Variants in ADNP2 observed in about 807,000 individuals in gnomAD.
ADNP2 encodes activity-dependent neuroprotector homeobox protein 2.
Under a neutral mutation model 16.4 loss-of-function variants are expected in ADNP2, and 8 were observed. That is an observed-to-expected ratio of 0.49 (90% CI 0.29 to 0.88). The LOEUF is 0.88. Among genes scored for constraint, ADNP2 ranks in the 40% least tolerant of loss-of-function variants. The pLI, the probability that ADNP2 is intolerant of heterozygous loss-of-function variation, is 0.09. For missense variants in ADNP2, 1,397 were observed against 1,395.1 expected (o/e 1.00, Z -0.02); for synonymous variants, 637 against 545.8 (o/e 1.17, Z -2.33).
intron 1 of ADNP2, among the ~76,000 whole-genome samples, chr18:80,112,823 G>A (rs2052366309): frequency 1.3e-5 from 2 of 152,170 alleles, no homozygotes; most frequent in South Asian, 4.1e-4. Context: ...GATCAGCTCT[G>A]GCTGTGTGAG....
In ADNP2 at chr18:80,136,404, A is replaced by G. The variant is rs749973024; in HGVS notation, c.991A>G (p.Met331Val). 8.7e-6 allele frequency: 14 copies of G among 1,613,842 alleles called. No homozygotes were observed. Among genetic ancestry groups the G allele is most frequent in the Admixed American group, 3.3e-5 (2 of 60,004 alleles). ...CCCCCCTGCTGCTGGCCAATCCCAC[A>G]TGACTCTGGTCTCCAGCCCTCTGCC... ...HSPPAAGQSH[M>V]TLVSSPLPVG... is the part of the protein sequence containing the mutation. Residue 331 changes from methionine (M) to valine (V), a missense_variant, in exon 4 of 4, where the codon ATG (methionine) becomes GTG (valine). Physicochemically the swap from Met to Val is conservative, Grantham distance 21. Around this residue, in one of 3 missense-constraint regions of ADNP2, gnomAD observed 777 missense variants for 719.4 expected, o/e 1.08. Coordinates refer to ENST00000262198, the MANE Select transcript of ADNP2 (RefSeq NM_014913.4).
Position 80,138,910 on chromosome 18 carries a change from A to C in ADNP2, c.*101A>C, listed in dbSNP as rs980225371. ...CTCACTGTGTTGGTGAATCAACCTC[A>C]GTGGTCACTGTGCTGCTCTGCAGAG... On this transcript the variant is annotated 3_prime_UTR_variant, in exon 4 of 4. Coordinates refer to ENST00000262198, the MANE Select transcript of ADNP2 (RefSeq NM_014913.4). 50 of 1,130,400 alleles carry C rather than the reference A, an allele frequency of 4.4e-5. 1 individual carries two copies. The highest frequency in any genetic ancestry group is 3.2e-5 in the Admixed American group (1 of 31,162). The allele number at this position is 1,130,400 out of a possible 1,614,324, so 70.0% of individuals were successfully genotyped here.
chr18:80,137,112 C>T lies in ADNP2; in HGVS notation c.1699C>T (p.Leu567Phe). The change falls in exon 4 of 4, where the codon CTC (leucine) becomes TTC (phenylalanine). Residue 567 changes from leucine (L) to phenylalanine (F), a missense_variant. Leu to Phe is a conservative substitution (Grantham distance 22). Around this residue, in one of 3 missense-constraint regions of ADNP2, gnomAD observed 777 missense variants for 719.4 expected, o/e 1.08. Transcript: ENST00000262198. The surrounding 1 kb of genome is among the most constrained non-coding windows in gnomAD (Gnocchi z 4.2). ...GQPVRPGVLQLNQTVGTNILP... is the reference protein window; with the variant it reads ...GQPVRPGVLQFNQTVGTNILP... ...GCCAGTGAGGCCTGGGGTCTTGCAA[C>T]TCAACCAGACTGTGGGCACCAACAT... The T allele has an allele frequency of 7.4e-6, 12 of 1,614,216 alleles. No homozygotes were observed. The highest frequency in any genetic ancestry group is 1.3e-5 in the African/African-American group (1 of 75,060).
intron 2 of ADNP2, 86 bp downstream of exon 2, chr18:80,117,736 G>T: frequency 1.0e-6 from 1 of 993,326 alleles, no homozygotes. Context: ...CCTCAAAATG[G>T]AAATTGCTGT....
Position 80,136,276 on chromosome 18 carries a change from A to G in ADNP2, c.863A>G (p.Gln288Arg). 1.2e-6 allele frequency: 2 copies of G among 1,613,730 alleles called. No homozygotes were observed. Among genetic ancestry groups the G allele is most frequent in the Non-Finnish European group, 1.7e-6 (2 of 1,179,630 alleles). The change falls in exon 4 of 4, where the codon CAG becomes CGG. Residue 288 changes from glutamine to arginine, a missense_variant. Gln to Arg is a conservative substitution (Grantham distance 43). Around this residue, in one of 3 missense-constraint regions of ADNP2, gnomAD observed 777 missense variants for 719.4 expected, o/e 1.08. Transcript: ENST00000262198. ...GGCAGTGCTCCAAGCGCTCCAGCGC[A>G]GCCTCCTTGCTTCCATCTTGCTTTG... Reference protein sequence around the residue: ...ANGSAPSAPAQPPCFHLALPQ... With the variant: ...ANGSAPSAPARPPCFHLALPQ...
chr18:80,125,678 G>C (rs981850935), intron 2 of ADNP2, among the ~76,000 whole-genome samples: 4 of 151,930 alleles, frequency 2.6e-5, no homozygotes, highest in Non-Finnish European at 5.9e-5. Flanking sequence ...AGGTGTGGTG[G>C]TGTGCGCTGG....
In ADNP2 at chr18:80,124,051, C is replaced by T. The variant is rs775222960; in HGVS notation, c.108+6401C>T. Among the ~76,000 whole-genome samples, 3 of 152,104 alleles carry T rather than the reference C, an allele frequency of 2.0e-5. No homozygotes were observed. The East Asian group carries it at 5.8e-4, about 29-fold the overall frequency. Reference sequence around the variant, plus strand: ...AGCCTTTTAAGTATTTTTTAGGATTCACCAGTGAAGCCACCTGTACCTGTA... The same window carrying T: ...AGCCTTTTAAGTATTTTTTAGGATTTACCAGTGAAGCCACCTGTACCTGTA... On this transcript the variant is annotated intron_variant, in intron 2 of 3. Transcript: ENST00000262198.
rs903709209 is a variant in ADNP2 at position 80,139,329 on chromosome 18, G to A, written c.*520G>A. On this transcript the variant is annotated 3_prime_UTR_variant, in exon 4 of 4. Transcript: ENST00000262198. ...AGGATGCACTGCATTAACTTACGCT[G>A]ACTTCTTTGTAAGATCTTTGCTTAT... is the stretch of plus-strand genomic sequence containing the variant. The A allele has an allele frequency of 1.3e-5, 2 of 151,912 alleles. No homozygotes were observed. The highest frequency in any genetic ancestry group is 4.8e-5 in the African/African-American group (2 of 41,360). The allele number at this position is 151,912 out of a possible 1,614,324, so 9.4% of individuals were successfully genotyped here. A position where few individuals can be genotyped will look rare whatever the true frequency, so the allele number is the denominator to read the frequency against.
In ADNP2 at chr18:80,138,111, A is replaced by G. The variant is rs149811942; in HGVS notation, c.2698A>G (p.Ile900Val). The G allele has an allele frequency of 5.8e-5, 93 of 1,613,906 alleles. No homozygotes were observed. Among genetic ancestry groups the G allele is most frequent in the Admixed American group, 1.3e-4 (8 of 60,008 alleles). The change falls in exon 4 of 4, where the codon ATC becomes GTC. Residue 900 changes from isoleucine (I) to valine (V), a missense_variant. By Grantham distance (29) the Ile-to-Val change is conservative. Around this residue, in one of 3 missense-constraint regions of ADNP2, gnomAD observed 611 missense variants for 648.7 expected, o/e 0.94. Coordinates refer to ENST00000262198, the MANE Select transcript of ADNP2 (RefSeq NM_014913.4). ...GCTGCATTTGAAGGAGAGGCACCAC[A>G]TCATGCCCACAGTCCACACGGTCCT... ...YELHLKERHH[I>V]MPTVHTVLKS...
intron 2 of ADNP2, among the ~76,000 whole-genome samples, chr18:80,128,511 G>A (rs1009618545): frequency 1.3e-4 from 20 of 152,234 alleles, no homozygotes; most frequent in African/African-American, 3.9e-4. Context: ...TTAGCCCGAC[G>A]TGGTGGCATG....
At position 80,136,899 on chromosome 18, in the gene ADNP2, C is replaced by T. The variant is rs372177595; in HGVS notation, c.1486C>T (p.Arg496Trp). The change falls in exon 4 of 4, where the codon CGG becomes TGG. Residue 496 changes from arginine (R) to tryptophan (W), a missense_variant. By Grantham distance (101) the Arg-to-Trp change is moderately radical. Coordinates refer to ENST00000262198, the MANE Select transcript of ADNP2 (RefSeq NM_014913.4). ...CCCTGTGGGCCAGACAGCTCCGTCA[C>T]GGGTTCTTCCCCCAGGCCAGACAGC... is the stretch of plus-strand genomic sequence containing the variant. ...VLPVGQTAPS[R>W]VLPPGQTAPL... The T allele has an allele frequency of 1.4e-5, 22 of 1,613,810 alleles. No individual in the cohort carries two copies. Among genetic ancestry groups the T allele is most frequent in the East Asian group, 2.2e-5 (1 of 44,860 alleles).
intron 2 of ADNP2, among the ~76,000 whole-genome samples, chr18:80,126,707 G>T (rs553339309): frequency 2.6e-4 from 40 of 152,174 alleles, no homozygotes; most frequent in Non-Finnish European, 4.1e-4. Flanking sequence ...CTTAGAGTCT[G>T]GTGAGCTTCT....
At chr18:80,130,006 A>G (rs1187427905) in intron 2 of ADNP2, among the ~76,000 whole-genome samples, 5 of 152,186 alleles carry the variant, frequency 3.3e-5, no homozygotes, top group African/African-American at 1.2e-4. Flanking sequence ...TTGAGCTGTG[A>G]CTTTTCAAAG....
chr18:80,132,202 A>C (rs1038617182), intron 2 of ADNP2, among the ~76,000 whole-genome samples: 2 of 152,160 alleles, frequency 1.3e-5, no homozygotes, highest in Admixed American at 1.3e-4. Context: ...TTCATACTTA[A>C]AGGGTACTCC....
chr18:80,127,809 T>C (rs995456538), intron 2 of ADNP2, among the ~76,000 whole-genome samples: 1 of 152,252 alleles, frequency 6.6e-6, no homozygotes, highest in South Asian at 2.1e-4. Context: ...GCTTGACTTA[T>C]GTCACTGTAT....
At chr18:80,121,324 A>C (rs1240961707) in intron 2 of ADNP2, among the ~76,000 whole-genome samples, 2 of 152,130 alleles carry the variant, frequency 1.3e-5, no homozygotes, top group African/African-American at 2.4e-5. Context: ...TGTGCTTATA[A>C]GCCATTTGTA....
chr18:80,112,450 G>C (rs1230245371), intron 1 of ADNP2, among the ~76,000 whole-genome samples: 2 of 151,872 alleles, frequency 1.3e-5, no homozygotes, highest in Non-Finnish European at 2.9e-5. Context: ...AAAAAGGAGG[G>C]GGGAACTTTT....
chr18:80,126,153 G>T (rs1451919021), intron 2 of ADNP2, among the ~76,000 whole-genome samples: 12 of 151,598 alleles, frequency 7.9e-5, no homozygotes, highest in Non-Finnish European at 1.3e-4. Flanking sequence ...TGGCTTATTA[G>T]CTATACATCT....
rs1193465753 is a variant in ADNP2 at position 80,137,049 on chromosome 18, A to T, written c.1636A>T (p.Ser546Cys). The T allele has an allele frequency of 3.7e-6, 6 of 1,613,826 alleles. No individual in the cohort carries two copies. Among genetic ancestry groups the T allele is most frequent in the Non-Finnish European group, 5.1e-6 (6 of 1,179,974 alleles). Residue 546 changes from serine (S) to cysteine (C), a missense_variant, in exon 4 of 4, where the codon AGT becomes TGT. Ser to Cys is a moderately radical substitution (Grantham distance 112, BLOSUM62 -1). Transcript: ENST00000262198. This position sits in a 1 kb window ranked among gnomAD's most constrained non-coding sequence, Gnocchi z 4.2. ...TGTGAATTCTGGTGTTCTGCAGCTT[A>T]GTCAGCCTGTTGTGTCGGGAGTTCT... ...QGVNSGVLQL[S>C]QPVVSGVLPV... is the part of the protein sequence containing the mutation.
Sources: gnomAD v4.1 joint callset for allele counts (sites outside exome capture counted in the v4.1 genomes callset) on GRCh38, gnomAD v4.1.1 for gene constraint, gnomAD v4.1.1 regional missense constraint, Gnocchi (gnomAD v3.1) non-coding constraint, MANE v1.5 for transcripts, NCBI Gene and HGNC (gene_info 2026-07-23, HGNC 2026-07-21) for gene names.